The following G3BP2 variants were observed in gnomAD, a reference collection of about 807,000 sequenced individuals.
G3BP2 encodes ras GTPase-activating protein-binding protein 2.
Under a neutral mutation model 56.7 loss-of-function variants are expected in G3BP2, and 11 were observed. The observed-to-expected ratio is 0.19, with a 90% CI of 0.12 to 0.32. The LOEUF is 0.32. Among genes scored for constraint, G3BP2 ranks in the 10% least tolerant of loss-of-function variants. The probability of loss-of-function intolerance (pLI) is 1.00; values close to 1 mark genes in which losing one functional copy is unlikely to be tolerated. For missense variants in G3BP2, 340 were observed against 610.9 expected (o/e 0.56, Z 4.67); for synonymous variants, 165 against 191.6 (o/e 0.86, Z 1.15).
intron 3 of G3BP2, among the ~76,000 whole-genome samples, chr4:75,716,984 A>T (rs1372537588): frequency 6.6e-6 from 1 of 152,070 alleles, no homozygotes; most frequent in Non-Finnish European, 1.5e-5. Context: ...ACTGGCAGAA[A>T]ATTATGTCCA....
rs966218642 is a variant in G3BP2, at chr4:75,644,961, T to C, written c.*469A>G. On this transcript the variant is annotated 3_prime_UTR_variant, in exon 12 of 12. Transcript: ENST00000359707. ...GAGTTCAGAGTACCCATTAGTACAT[T>C]TTGATGAGTGCATAACAAGTTTCTG... is the stretch of plus-strand genomic sequence containing the variant. 1 of 159,950 alleles carries C rather than the reference T, an allele frequency of 6.3e-6. No homozygotes were observed. The highest frequency in any genetic ancestry group is 2.4e-5 in the African/African-American group (1 of 41,510). The allele number at this position is 159,950 out of a possible 1,614,324, so 9.9% of individuals were successfully genotyped here.
chr4:75,652,451 G>A (rs375950298), intron 8 of G3BP2, among the ~76,000 whole-genome samples: 4 of 152,116 alleles, frequency 2.6e-5, no homozygotes, highest in Non-Finnish European at 2.9e-5. Flanking sequence ...GTGAAACCCC[G>A]TCTCTACTAA....
At chr4:75,718,305 C>T (rs762688755) in intron 3 of G3BP2, among the ~76,000 whole-genome samples, 1 of 149,418 alleles carries the variant, frequency 6.7e-6, no homozygotes, top group Non-Finnish European at 1.5e-5. Context: ...GGAAACACAC[C>T]TGGGTTATAC....
In G3BP2 at chr4:75,689,302, G is replaced by A. The variant is rs923460803; in HGVS notation, c.-24-27253C>T. Among the ~76,000 whole-genome samples, 8 of 151,996 alleles carry A rather than the reference G, an allele frequency of 5.3e-5. 1 individual carries two copies. The highest frequency in any genetic ancestry group is 2.6e-4 in the Admixed American group (4 of 15,246). ...TGAGGCAGGAGAATCGCTTGAACCC[G>A]GGAGGTGGAGGTTGCAGTGAGCCAA... On this transcript the variant is annotated intron_variant, in intron 3 of 3. Coordinates refer to the G3BP2 transcript ENST00000499709.
intron 3 of G3BP2, among the ~76,000 whole-genome samples, chr4:75,691,659 G>T (rs1156989905): frequency 6.6e-6 from 1 of 152,190 alleles, no homozygotes; most frequent in African/African-American, 2.4e-5. Flanking sequence ...TGGGATTGGG[G>T]GATGAATACG....
At chr4:75,672,877 C>T (rs1403924434) in intron 1 of G3BP2, 1 of 366,814 alleles carries the variant, frequency 2.7e-6, no homozygotes, top group Admixed American at 6.4e-5. Context: ...ATCAGCGCGC[C>T]TTCGGGAGCT....
chr4:75,724,086 C>A (rs1349925514), intron 1 of G3BP2: 2 of 152,190 alleles, frequency 1.3e-5, no homozygotes, highest in Admixed American at 1.3e-4. Flanking sequence ...TTCCTTTCAG[C>A]AGGTTTGAAG....
Position 75,673,343 on chromosome 4 carries a change from G to A in G3BP2, c.-160C>T. ...AGCCTCGGAAGCCGGAGAGCCGCGA[G>A]TTCGTCTGCCTCACAACCACCTCTT... On this transcript the variant is annotated 5_prime_UTR_variant, in exon 1 of 12. Transcript: ENST00000359707. 3 of 1,231,168 alleles carry A rather than the reference G, an allele frequency of 2.4e-6. No homozygotes were observed. The highest frequency in any genetic ancestry group is 3.0e-6 in the Non-Finnish European group (3 of 987,396). The allele number at this position is 1,231,168 out of a possible 1,614,324, so 76.3% of individuals were successfully genotyped here.
rs1240469164 is a variant in G3BP2 at position 75,645,026 on chromosome 4, G to C, written c.*404C>G. The C allele has an allele frequency of 1.1e-5, 2 of 176,540 alleles. No homozygotes were observed. Among genetic ancestry groups the C allele is most frequent in the Non-Finnish European group, 2.4e-5 (2 of 84,576 alleles). The allele number at this position is 176,540 out of a possible 1,614,324, so 10.9% of individuals were successfully genotyped here. On this transcript the variant is annotated 3_prime_UTR_variant, in exon 12 of 12. Coordinates refer to ENST00000359707, the MANE Select transcript of G3BP2 (RefSeq NM_203505.3). ...TGGGGGGAGCCAAGAAAAAAGGCAA[G>C]ATTCTCCAATTGCACAAATTGCACT... is the stretch of plus-strand genomic sequence containing the variant.
At chr4:75,672,136 T>C (rs1253402764) in intron 1 of G3BP2, among the ~76,000 whole-genome samples, 3 of 152,214 alleles carry the variant, frequency 2.0e-5, no homozygotes, top group African/African-American at 7.2e-5. Flanking sequence ...AGGACTTTAC[T>C]ATTCCAGCTA....
At chr4:75,686,506 T>G (rs1014107377) in intron 3 of G3BP2, among the ~76,000 whole-genome samples, 1 of 140,000 alleles carries the variant, frequency 7.1e-6, no homozygotes, top group African/African-American at 2.7e-5. Flanking sequence ...GCGAAGGAAG[T>G]GCAGTGGTTG....
At chr4:75,697,913 A>G (rs1401551065) in intron 3 of G3BP2, among the ~76,000 whole-genome samples, 1 of 149,332 alleles carries the variant, frequency 6.7e-6, no homozygotes, top group African/African-American at 2.5e-5. Flanking sequence ...CAGCCTGGGC[A>G]ACAGAGTGAA....
At chr4:75,719,717 G>C (rs1252895770) in intron 3 of G3BP2, among the ~76,000 whole-genome samples, 1 of 151,976 alleles carries the variant, frequency 6.6e-6, no homozygotes, top group South Asian at 2.1e-4. Context: ...AGCCTCCCGA[G>C]TAGCTAGGAT....
chr4:75,669,074 C>T (rs1156483022), intron 1 of G3BP2, among the ~76,000 whole-genome samples: 1 of 152,218 alleles, frequency 6.6e-6, no homozygotes, highest in African/African-American at 2.4e-5. Context: ...CTCCTCCTAA[C>T]TCTTCTAGAG....
chr4:75,708,719 C>A (rs1719642979), intron 3 of G3BP2, among the ~76,000 whole-genome samples: 1 of 152,092 alleles, frequency 6.6e-6, no homozygotes, highest in Non-Finnish European at 1.5e-5. Flanking sequence ...GCCTGTAGTC[C>A]CAGCACTTTG....
intron 8 of G3BP2, chr4:75,649,013 A>T: frequency 4.0e-6 from 1 of 252,446 alleles, no homozygotes; most frequent in Non-Finnish European, 7.6e-6. Flanking sequence ...AAGTTATATC[A>T]ACACTGAAAT....
At position 75,654,038 on chromosome 4, in the gene G3BP2, C is replaced by G; in HGVS notation, c.770G>C (p.Ser257Thr). The stretch of plus-strand genomic sequence containing the variant: ...AATTCCAGAGGAAGAAACAGTACCA[C>G]TAGGAGGCAGGTTTTTACTGGTCAC... ...ASVTSKNLPP[S>T]GTVSSSGIPP... Residue 257 changes from serine (S) to threonine (T), a missense_variant, in exon 8 of 12, where the codon AGT becomes ACT. Physicochemically the swap from Ser to Thr is moderately conservative, Grantham distance 58 (BLOSUM62 1). Transcript: ENST00000359707. 1 of 1,601,448 alleles carries G rather than the reference C, an allele frequency of 6.2e-7. No homozygotes were observed. Among genetic ancestry groups the G allele is most frequent in the East Asian group, 2.2e-5 (1 of 44,794 alleles).
intron 3 of G3BP2, among the ~76,000 whole-genome samples, chr4:75,710,590 G>T (rs1056636606): frequency 6.6e-6 from 1 of 152,210 alleles, no homozygotes; most frequent in Non-Finnish European, 1.5e-5. Flanking sequence ...TGGCATAGTA[G>T]CTGCTCACTA....
At chr4:75,693,215 G>A (rs1718945386) in intron 3 of G3BP2, among the ~76,000 whole-genome samples, 1 of 152,118 alleles carries the variant, frequency 6.6e-6, no homozygotes, top group Non-Finnish European at 1.5e-5. Flanking sequence ...CTTCACTCCA[G>A]CCTGGCTGAC....
Sources: gnomAD v4.1 joint callset for allele counts (sites outside exome capture counted in the v4.1 genomes callset) on GRCh38, gnomAD v4.1.1 for gene constraint, MANE v1.5 for transcripts, NCBI Gene and HGNC (gene_info 2026-07-23, HGNC 2026-07-21) for gene names.